The following RASSF3 variants were observed in gnomAD, a reference collection of about 807,000 sequenced individuals.
The protein encoded by RASSF3 is Ras association domain family member 3, also known as ras association domain-containing protein 3.
A neutral mutation model predicts 19.9 loss-of-function variants in RASSF3; 19 were observed. The ratio of observed to expected loss-of-function variants is 0.96; its 90% CI spans 0.67 to 1.40. The LOEUF (loss-of-function observed/expected upper bound fraction) is 1.40. Among genes scored for constraint, RASSF3 ranks in the 40% most tolerant of loss-of-function variants. RASSF3 has a pLI of 0.00. For synonymous variants in RASSF3, 110 were observed against 104.2 expected (o/e 1.06, Z -0.34); for missense variants, 306 against 289.8 (o/e 1.06, Z -0.41).
chr12:64,516,998 C>CAAAAAAAAAAAAAAAAA (rs371430838), intron 1 of RASSF3, among the ~76,000 whole-genome samples: 4 of 51,964 alleles, frequency 7.7e-5, no homozygotes, highest in African/African-American at 2.8e-4. Context: ...AAATCTGTCT[C>CAAAAAAAAAAAAAAAAA]AAAAAAAAAA....
chr12:64,603,548 G>A (rs992618631), intron 2 of RASSF3, among the ~76,000 whole-genome samples: 2 of 152,136 alleles, frequency 1.3e-5, no homozygotes, highest in East Asian at 1.9e-4. Flanking sequence ...CCTATAAACC[G>A]GGGTTACCTC....
At chr12:64,609,477 A>AT (rs2136151105), upstream of RASSF3, 1 of 152,260 alleles carries the variant, frequency 6.6e-6, no homozygotes, top group African/African-American at 2.4e-5. Flanking sequence ...GAAGCTCGCT[A>AT]ACTATAGCAG....
intron 2 of RASSF3, among the ~76,000 whole-genome samples, chr12:64,570,184 T>G (rs1234446752): frequency 6.6e-6 from 1 of 152,192 alleles, no homozygotes; most frequent in Non-Finnish European, 1.5e-5. Context: ...GATTTCTGGA[T>G]GTACTATTTT....
At chr12:64,655,490 A>G (rs990318773) in intron 1 of RASSF3, among the ~76,000 whole-genome samples, 1 of 151,822 alleles carries the variant, frequency 6.6e-6, no homozygotes, top group Admixed American at 6.6e-5. Flanking sequence ...CCTTTTTTTC[A>G]AAAAATAGAG....
At chr12:64,592,060 C>G (rs896878752) in intron 2 of RASSF3, among the ~76,000 whole-genome samples, 2 of 152,062 alleles carry the variant, frequency 1.3e-5, no homozygotes, top group African/African-American at 4.8e-5. Context: ...TGCCACATGC[C>G]TGGCTAATTT....
chr12:64,547,245 CTG>C (rs1869079416), intron 2 of RASSF3, among the ~76,000 whole-genome samples: 1 of 145,108 alleles, frequency 6.9e-6, no homozygotes, highest in Non-Finnish European at 1.5e-5. Flanking sequence ...GTACTCCAGT[CTG>C]TGTGACAGAG....
At chr12:64,546,824 T>C (rs571573067) in intron 2 of RASSF3, among the ~76,000 whole-genome samples, 1 of 152,324 alleles carries the variant, frequency 6.6e-6, no homozygotes, top group African/African-American at 2.4e-5. Flanking sequence ...CTTCAAGCAC[T>C]GATAGAGCGA....
chr12:64,521,390 C>T (rs1253395485), intron 1 of RASSF3, among the ~76,000 whole-genome samples: 1 of 152,208 alleles, frequency 6.6e-6, no homozygotes, highest in African/African-American at 2.4e-5. Flanking sequence ...TCTGTTCTTT[C>T]ATCCCCTCCT....
At chr12:64,660,915 A>G (rs1872331219) in intron 1 of RASSF3, among the ~76,000 whole-genome samples, 1 of 152,046 alleles carries the variant, frequency 6.6e-6, no homozygotes, top group South Asian at 2.1e-4. Flanking sequence ...CCATCTTCCC[A>G]CTGGAGCACA....
chr12:64,533,565 T>TAGG (rs1311329519), intron 1 of RASSF3: 1 of 152,252 alleles, frequency 6.6e-6, no homozygotes, highest in Non-Finnish European at 1.5e-5. Flanking sequence ...AAACGTGCTT[T>TAGG]CAAATGTTGC....
intron 2 of RASSF3, among the ~76,000 whole-genome samples, chr12:64,557,953 A>G (rs553639550): frequency 1.3e-5 from 2 of 152,240 alleles, no homozygotes; most frequent in Admixed American, 1.3e-4. Flanking sequence ...GGCATTGTAT[A>G]AGACCCCAGA....
chr12:64,684,450 G>C (rs1157176290), intron 1 of RASSF3, among the ~76,000 whole-genome samples: 1 of 105,678 alleles, frequency 9.5e-6, no homozygotes, highest in East Asian at 3.2e-4. Flanking sequence ...TTTTTTTTGA[G>C]ACAGAGTTTT....
intron 1 of RASSF3, among the ~76,000 whole-genome samples, chr12:64,509,491 A>G (rs936741414): frequency 1.3e-5 from 2 of 152,178 alleles, no homozygotes; most frequent in African/African-American, 4.8e-5. Context: ...CCAGAAGGTT[A>G]GATACCTTAA....
exon 2 of RASSF3, chr12:64,541,648 C>T (rs963255864): frequency 1.3e-5 from 5 of 398,396 alleles, no homozygotes; most frequent in Non-Finnish European, 2.2e-5. Context: ...AAAATGGGAA[C>T]GTATCAAGCT....
chr12:64,512,762 C>T (rs1868336436), intron 1 of RASSF3, among the ~76,000 whole-genome samples: 1 of 152,260 alleles, frequency 6.6e-6, no homozygotes, highest in African/African-American at 2.4e-5. Flanking sequence ...CAGTCTAGCC[C>T]CTTTTATTCT....
At chr12:64,584,860 G>A (rs1869766930) in intron 2 of RASSF3, among the ~76,000 whole-genome samples, 2 of 144,098 alleles carry the variant, frequency 1.4e-5, no homozygotes, top group South Asian at 2.2e-4. Flanking sequence ...GGATCACCCT[G>A]GAAAAGCACA....
At chr12:64,513,804 G>A (rs142839963) in intron 1 of RASSF3, among the ~76,000 whole-genome samples, 10 of 152,266 alleles carry the variant, frequency 6.6e-5, no homozygotes, top group Admixed American at 4.6e-4. Context: ...CAGAGGAACC[G>A]TGCAGTATCT....
chr12:64,663,233 G>A (rs550122086), intron 1 of RASSF3, among the ~76,000 whole-genome samples: 1 of 152,190 alleles, frequency 6.6e-6, no homozygotes, highest in South Asian at 2.1e-4. Flanking sequence ...GATGTGTTAC[G>A]TAACAAAGGC....
chr12:64,615,530 A>G (rs1372868815), intron 1 of RASSF3, among the ~76,000 whole-genome samples: 10 of 152,102 alleles, frequency 6.6e-5, no homozygotes, highest in African/African-American at 1.4e-4. Context: ...TTGTGCCTCA[A>G]TTATTTGGTT....
Sources: allele counts gnomAD v4.1 joint callset (sites outside exome capture counted in the v4.1 genomes callset), GRCh38; gene constraint gnomAD v4.1.1; transcripts MANE v1.5; gene names NCBI Gene and HGNC (gene_info 2026-07-23, HGNC 2026-07-21).